Variants in RPAP2 observed in about 807,000 individuals in gnomAD.
RPAP2 encodes the protein RNA polymerase II associated protein 2, also known as putative RNA polymerase II subunit B1 CTD phosphatase RPAP2.
RPAP2 carries 52 observed loss-of-function variants against 73.1 expected under a neutral mutation model. The ratio of observed to expected loss-of-function variants is 0.71; its 90% CI spans 0.57 to 0.90. The LOEUF (loss-of-function observed/expected upper bound fraction) is 0.90, where lower values mean the gene tolerates loss of function less well. RPAP2 is among the 40% of genes least tolerant of loss of function. The probability of loss-of-function intolerance (pLI) is 0.00; values close to 1 mark genes in which losing one functional copy is unlikely to be tolerated. For missense variants in RPAP2, 598 were observed against 701.8 expected (o/e 0.85, Z 1.67); for synonymous variants, 225 against 242.1 (o/e 0.93, Z 0.65).
chr1:92,339,472 A>G (rs1653479339), intron 10 of RPAP2, among the ~76,000 whole-genome samples: 1 of 152,116 alleles, frequency 6.6e-6, no homozygotes, highest in South Asian at 2.1e-4. Context: ...GCAAAAAATA[A>G]TAATAATAAT....
intron 11 of RPAP2, among the ~76,000 whole-genome samples, chr1:92,379,305 T>C (rs1348907924): frequency 3.3e-5 from 5 of 152,214 alleles, no homozygotes; most frequent in Non-Finnish European, 7.3e-5. Flanking sequence ...TTGTGGGAAG[T>C]GTAAAACTAT....
At chr1:92,302,590 ATTTT>A (rs36067595) in intron 3 of RPAP2, among the ~76,000 whole-genome samples, 7 of 74,338 alleles carry the variant, frequency 9.4e-5, no homozygotes, top group Admixed American at 2.3e-4. Context: ...TCCGCATTAA[ATTTT>A]TTTTTTTTTT....
rs865838054 is a variant in RPAP2 at position 92,373,749 on chromosome 1, A to T, written c.1689-6975A>T. ...CGTCTCTACTAAAAATAAAAAAAAA[A>T]AAAAAAAAAAAAAAAAAAAAAGTAG... is the stretch of plus-strand genomic sequence containing the variant. On this transcript the variant is annotated intron_variant, in intron 11 of 12. Transcript: ENST00000610020. Among the ~76,000 whole-genome samples the T allele has an allele frequency of 7.7e-4, 108 of 140,724 alleles. 1 individual carries two copies. Among genetic ancestry groups the T allele is most frequent in the South Asian group, 1.2e-3 (5 of 4,190 alleles). 92.3% of individuals were successfully genotyped at this position (140,724 alleles called of 152,430 possible).
rs1656149589 is a variant in RPAP2 at position 92,394,985 on chromosome 1, A to C, written c.*7974A>C. 1 of 152,256 alleles carries C rather than the reference A, an allele frequency of 6.6e-6. No homozygotes were observed. The highest frequency in any genetic ancestry group is 2.1e-4 in the South Asian group (1 of 4,836). 9.4% of individuals were successfully genotyped at this position (152,256 alleles called of 1,614,324 possible). A position where few individuals can be genotyped will look rare whatever the true frequency, so the allele number is the denominator to read the frequency against. The stretch of plus-strand genomic sequence containing the variant: ...ATAGGCATACAGATCAGTGGAACAG[A>C]GTCCAGGAATAAACCTTCACATTTA... On this transcript the variant is annotated 3_prime_UTR_variant, in exon 13 of 13. Transcript: ENST00000610020.
intron 6 of RPAP2, among the ~76,000 whole-genome samples, chr1:92,310,354 TA>T (rs1651517597): frequency 6.6e-6 from 1 of 152,202 alleles, no homozygotes; most frequent in Admixed American, 6.5e-5. Context: ...TTTGTATTTT[TA>T]AAAGCTTGTC....
intron 11 of RPAP2, among the ~76,000 whole-genome samples, chr1:92,366,995 TG>T (rs1557626626): frequency 6.6e-6 from 1 of 152,210 alleles, no homozygotes; most frequent in Non-Finnish European, 1.5e-5. Context: ...AGATAAAATA[TG>T]GGTAAGGTGA....
At chr1:92,299,844 T>A (rs1293544692) in intron 1 of RPAP2, among the ~76,000 whole-genome samples, 1 of 152,162 alleles carries the variant, frequency 6.6e-6, no homozygotes, top group Non-Finnish European at 1.5e-5. Context: ...CTAATGTGTT[T>A]GTGTAGACCT....
intron 11 of RPAP2, among the ~76,000 whole-genome samples, chr1:92,346,188 G>GTTTTTTT: frequency 6.7e-6 from 1 of 149,492 alleles, no homozygotes; most frequent in African/African-American, 2.5e-5. Flanking sequence ...TTTTGAGACA[G>GTTTTTTT]GGTCTCGCTC....
intron 6 of RPAP2, among the ~76,000 whole-genome samples, chr1:92,315,730 G>A (rs1651870119): frequency 1.3e-5 from 2 of 152,122 alleles, no homozygotes; most frequent in South Asian, 4.2e-4. Context: ...CTTTTATAAG[G>A]TTTTGGAGTC....
In RPAP2 at chr1:92,393,048, G is replaced by A. The variant is rs572221672; in HGVS notation, c.*6037G>A. On this transcript the variant is annotated 3_prime_UTR_variant, in exon 13 of 13. Transcript: ENST00000610020. ...GACAATCCTGGGCAAGAAGAACAAAGCTGGAGGCATCACACTACCTGACTT... is the reference window on the plus strand; with the variant it reads ...GACAATCCTGGGCAAGAAGAACAAAACTGGAGGCATCACACTACCTGACTT... 6.6e-6 allele frequency: 1 copy of A among 152,256 alleles called. No individual in the cohort carries two copies. The highest frequency in any genetic ancestry group is 1.9e-4 in the East Asian group (1 of 5,180). 9.4% of individuals were successfully genotyped at this position (152,256 alleles called of 1,614,324 possible).
chr1:92,349,589 C>T (rs1654094424), intron 11 of RPAP2, among the ~76,000 whole-genome samples: 1 of 152,180 alleles, frequency 6.6e-6, no homozygotes, highest in Non-Finnish European at 1.5e-5. Context: ...AGTAAGCCAT[C>T]TTCTCCTGGT....
chr1:92,351,222 G>A (rs576123113), intron 11 of RPAP2, among the ~76,000 whole-genome samples: 12 of 143,940 alleles, frequency 8.3e-5, no homozygotes, highest in Admixed American at 5.1e-4. Context: ...CAGGAAAACC[G>A]CTTGAACCAG....
intron 11 of RPAP2, among the ~76,000 whole-genome samples, chr1:92,355,328 T>C (rs1454926523): frequency 3.3e-5 from 5 of 152,182 alleles, no homozygotes; most frequent in South Asian, 2.1e-4. Flanking sequence ...TCATTGACTA[T>C]TGTTGGCAGT....
chr1:92,346,061 A>G, intron 11 of RPAP2, 147 bp downstream of exon 11: 1 of 526,956 alleles, frequency 1.9e-6, no homozygotes, highest in Non-Finnish European at 3.3e-6. Flanking sequence ...CTATGTAAGA[A>G]AACAATTTTT....
intron 6 of RPAP2, among the ~76,000 whole-genome samples, chr1:92,313,207 G>A (rs368707684): frequency 7.9e-5 from 12 of 152,260 alleles, no homozygotes; most frequent in African/African-American, 2.4e-4. Context: ...GAATCCTTTC[G>A]TGAAGGATTT....
At chr1:92,324,857 G>A (rs1055940301) in intron 8 of RPAP2, among the ~76,000 whole-genome samples, 3 of 152,104 alleles carry the variant, frequency 2.0e-5, no homozygotes, top group African/African-American at 4.8e-5. Context: ...AGACTTATTG[G>A]GAAATAATGG....
chr1:92,372,950 G>C (rs1033505077), intron 11 of RPAP2, among the ~76,000 whole-genome samples: 3 of 152,136 alleles, frequency 2.0e-5, no homozygotes, highest in African/African-American at 7.2e-5. Flanking sequence ...TTTTGTGAAA[G>C]AGAAAAACAT....
At chr1:92,351,673 T>C (rs538501812) in intron 11 of RPAP2, among the ~76,000 whole-genome samples, 1 of 152,188 alleles carries the variant, frequency 6.6e-6, no homozygotes, top group East Asian at 1.9e-4. Context: ...GACCTAAAAC[T>C]GAGAAATACA....
chr1:92,359,210 A>G lies in RPAP2; in HGVS notation c.1688+13296A>G, dbSNP rs72720445. ...GATTTTGAAAAGCTGGGGAAAGTCAAACATAATTTTAAGATATTAAGACAG... is the reference window on the plus strand; with the variant it reads ...GATTTTGAAAAGCTGGGGAAAGTCAGACATAATTTTAAGATATTAAGACAG... On this transcript the variant is annotated intron_variant, in intron 11 of 12. Coordinates refer to ENST00000610020, the MANE Select transcript of RPAP2 (RefSeq NM_024813.3). Among the ~76,000 whole-genome samples the G allele has an allele frequency of 4.7e-3, 713 of 152,388 alleles. 3 individuals carry two copies. The highest frequency in any genetic ancestry group is 7.4e-3 in the Admixed American group (113 of 15,314).
Sources: gnomAD v4.1 joint callset for allele counts (sites outside exome capture counted in the v4.1 genomes callset) on GRCh38, gnomAD v4.1.1 for gene constraint, MANE v1.5 for transcripts, NCBI Gene and HGNC (gene_info 2026-07-23, HGNC 2026-07-21) for gene names.